CATSPERT: variants seen among roughly 807,000 people sequenced by gnomAD.
CATSPERT encodes catsper channel auxiliary subunit tau.
chr2:201,556,386 G>A, the CATSPERT span, among the ~76,000 whole-genome samples: 1 of 152,098 alleles, frequency 6.6e-6, no homozygotes, highest in Admixed American at 6.6e-5. Flanking sequence ...GCGGGCGCCT[G>A]TAGTCCCAGC....
At chr2:201,563,321 A>AC in the CATSPERT span, among the ~76,000 whole-genome samples, 6 of 86,838 alleles carry the variant, frequency 6.9e-5, no homozygotes, top group African/African-American at 1.9e-4. Flanking sequence ...CGGGGGGCTG[A>AC]CCCCCCCACC....
chr2:201,493,280 A>G, the CATSPERT span: 1 of 1,536,620 alleles, frequency 6.5e-7, no homozygotes, highest in Admixed American at 2.0e-5. Context: ...ATTGAATAAT[A>G]ACTTGAATCT....
chr2:201,526,275 T>A, the CATSPERT span, among the ~76,000 whole-genome samples: 2 of 152,018 alleles, frequency 1.3e-5, no homozygotes, highest in African/African-American at 2.4e-5. Context: ...TCCCAGCACT[T>A]TGGGAGGCTG....
the CATSPERT span, among the ~76,000 whole-genome samples, chr2:201,523,889 A>G: frequency 6.6e-6 from 1 of 152,328 alleles, no homozygotes; most frequent in South Asian, 2.1e-4. Context: ...AAGCTGAGGA[A>G]AGAATCTCAG....
chr2:201,562,526 A>ATTT, the CATSPERT span, among the ~76,000 whole-genome samples: 1 of 147,168 alleles, frequency 6.8e-6, no homozygotes, highest in East Asian at 2.0e-4. Flanking sequence ...TTATTTATTT[A>ATTT]TTTTTTTTAT....
chr2:201,566,441 T>A, the CATSPERT span, among the ~76,000 whole-genome samples: 1 of 146,664 alleles, frequency 6.8e-6, no homozygotes, highest in Non-Finnish European at 1.5e-5. Context: ...CACCTATGAG[T>A]GACAACATGC....
At chr2:201,530,190 T>A in the CATSPERT span, among the ~76,000 whole-genome samples, 1 of 152,180 alleles carries the variant, frequency 6.6e-6, no homozygotes, top group Admixed American at 6.5e-5. Context: ...GAAAGTAGTA[T>A]GGAGGTTCCC....
the CATSPERT span, among the ~76,000 whole-genome samples, chr2:201,523,780 T>C: frequency 1.2e-3 from 165 of 141,498 alleles, no homozygotes; most frequent in African/African-American, 3.6e-3. Context: ...AAAGACAAAA[T>C]AGTCATTTTA....
chr2:201,565,443 A>G, the CATSPERT span, among the ~76,000 whole-genome samples: 1 of 152,166 alleles, frequency 6.6e-6, no homozygotes, highest in African/African-American at 2.4e-5. Flanking sequence ...ACTACACTCC[A>G]ATCTGGGCCA....
the CATSPERT span, among the ~76,000 whole-genome samples, chr2:201,593,779 T>A: frequency 6.7e-6 from 1 of 150,372 alleles, no homozygotes; most frequent in African/African-American, 2.4e-5. Flanking sequence ...AAGTCTGTTT[T>A]ATCAGAGACT....
chr2:201,530,733 AGCTCTT>A, the CATSPERT span, among the ~76,000 whole-genome samples: 1 of 152,126 alleles, frequency 6.6e-6, no homozygotes, highest in Non-Finnish European at 1.5e-5. Context: ...ACTCAATTAG[AGCTCTT>A]ACCACTTACC....
At chr2:201,595,998 A>G in the CATSPERT span, among the ~76,000 whole-genome samples, 2 of 152,208 alleles carry the variant, frequency 1.3e-5, no homozygotes, top group African/African-American at 4.8e-5. Flanking sequence ...AAGTTCAACC[A>G]TGGTGGAAGA....
the CATSPERT span, among the ~76,000 whole-genome samples, chr2:201,610,768 T>C: frequency 4.7e-4 from 72 of 152,224 alleles, no homozygotes; most frequent in African/African-American, 1.3e-3. Flanking sequence ...AATATATATA[T>C]ATACCATGAT....
At chr2:201,488,259 A>G in the CATSPERT span, among the ~76,000 whole-genome samples, 1 of 152,220 alleles carries the variant, frequency 6.6e-6, no homozygotes, top group Non-Finnish European at 1.5e-5. Context: ...CTCCTAAGCA[A>G]TGCTGGCCAG....
chr2:201,513,441 A>C, the CATSPERT span, among the ~76,000 whole-genome samples: 1 of 152,210 alleles, frequency 6.6e-6, no homozygotes, highest in East Asian at 1.9e-4. Flanking sequence ...AGATGTTGGC[A>C]AGGCTGCAGA....
chr2:201,581,477 A>AAT, the CATSPERT span, among the ~76,000 whole-genome samples: 50 of 14,850 alleles, frequency 3.4e-3, no homozygotes, highest in Non-Finnish European at 3.8e-3. Flanking sequence ...CACATTCCGG[A>AAT]ATATATATAT....
At chr2:201,603,214 G>C in the CATSPERT span, 23 of 1,607,788 alleles carry the variant, frequency 1.4e-5, no homozygotes, top group African/African-American at 2.5e-4. Context: ...TAAATCAAAA[G>C]AAAGGATACT....
At chr2:201,529,410 G>A in the CATSPERT span, among the ~76,000 whole-genome samples, 1 of 152,032 alleles carries the variant, frequency 6.6e-6, no homozygotes, top group Non-Finnish European at 1.5e-5. Context: ...ATAAACCAAT[G>A]GAACAGGTAG....
chr2:201,605,197 G>A, the CATSPERT span, among the ~76,000 whole-genome samples: 22 of 152,144 alleles, frequency 1.4e-4, no homozygotes, highest in Middle Eastern at 0.01. Flanking sequence ...TGCTGGAAAA[G>A]AACAGAGAGG....
Sources: gnomAD v4.1 joint callset for allele counts (sites outside exome capture counted in the v4.1 genomes callset) on GRCh38, gnomAD v4.1.1 for gene constraint, MANE v1.5 for transcripts, NCBI Gene and HGNC (gene_info 2026-07-23, HGNC 2026-07-21) for gene names.